PRELID2: variants seen among roughly 807,000 people sequenced by gnomAD.
PRELID2 encodes the protein PRELI domain-containing protein 2.
Under a neutral mutation model 28.4 loss-of-function variants are expected in PRELID2, and 25 were observed. The ratio of observed to expected loss-of-function variants is 0.88; its 90% CI spans 0.64 to 1.23. The LOEUF is 1.23. Among genes scored for constraint, PRELID2 ranks in the 50% most tolerant of loss-of-function variants. PRELID2 has a pLI of 0.00. For missense variants in PRELID2, 201 were observed against 214.4 expected, an observed-to-expected ratio of 0.94 and a Z score of 0.39; for synonymous variants, 76 against 71.6, an observed-to-expected ratio of 1.06 and a Z score of -0.31.
At chr5:145,265,652 A>T in the PRELID2 span, among the ~76,000 whole-genome samples, 1 of 152,204 alleles carries the variant, frequency 6.6e-6, no homozygotes. Context: ...CAGAGAACCC[A>T]GAAATAAAGC....
chr5:145,794,458 T>C (rs1752599928), intron 5 of PRELID2, among the ~76,000 whole-genome samples: 1 of 152,170 alleles, frequency 6.6e-6, no homozygotes, highest in Non-Finnish European at 1.5e-5. Context: ...TTCACTTCAT[T>C]CATCTGAGGG....
At chr5:145,778,398 T>C (rs1238686167) in intron 5 of PRELID2, among the ~76,000 whole-genome samples, 1 of 152,154 alleles carries the variant, frequency 6.6e-6, no homozygotes, top group African/African-American at 2.4e-5. Flanking sequence ...ACACCCTGGA[T>C]GTGGAAAGGG....
chr5:145,262,649 G>A, the PRELID2 span, among the ~76,000 whole-genome samples: 201 of 152,092 alleles, frequency 1.3e-3, 4 homozygotes, highest in East Asian at 0.031. Context: ...GAGGGAATTT[G>A]CCACCACCAA....
intron 1 of PRELID2, among the ~76,000 whole-genome samples, chr5:145,570,866 A>G (rs111252523): frequency 3.3e-4 from 50 of 152,302 alleles, no homozygotes; most frequent in African/African-American, 1.2e-3. Context: ...CATCTTATTG[A>G]GAATGAAATT....
At chr5:145,259,609 A>G in the PRELID2 span, among the ~76,000 whole-genome samples, 1 of 151,904 alleles carries the variant, frequency 6.6e-6, no homozygotes, top group Non-Finnish European at 1.5e-5. Flanking sequence ...TCTTTTGCCT[A>G]TTTTTTTCAC....
intron 3 of PRELID2, 157 bp downstream of exon 3, chr5:145,819,788 G>C: frequency 1.6e-6 from 1 of 635,032 alleles, no homozygotes. Flanking sequence ...CTAAAAGTGA[G>C]GTTGGATAAG....
the PRELID2 span, among the ~76,000 whole-genome samples, chr5:145,276,655 C>CT: frequency 2.6e-5 from 4 of 152,212 alleles, no homozygotes; most frequent in East Asian, 5.8e-4. Flanking sequence ...AATTATGTGA[C>CT]TCATCTAGTT....
chr5:145,614,384 C>A (rs1753665043), intron 1 of PRELID2, among the ~76,000 whole-genome samples: 1 of 152,196 alleles, frequency 6.6e-6, no homozygotes, highest in Admixed American at 6.5e-5. Flanking sequence ...ATGGGGATTG[C>A]ACTGAATTTG....
intron 1 of PRELID2, among the ~76,000 whole-genome samples, chr5:145,479,257 G>A (rs906377673): frequency 1.4e-4 from 21 of 152,134 alleles, no homozygotes; most frequent in Admixed American, 1.3e-3. Context: ...TCTCTTTGCT[G>A]AAAGAAAGCT....
the PRELID2 span, among the ~76,000 whole-genome samples, chr5:145,338,898 T>C: frequency 2.0e-5 from 3 of 152,246 alleles, no homozygotes; most frequent in Admixed American, 6.5e-5. Flanking sequence ...ATCAAGGTGA[T>C]GTAAATAATC....
At chr5:145,235,165 T>C in the PRELID2 span, among the ~76,000 whole-genome samples, 282 of 152,172 alleles carry the variant, frequency 1.9e-3, no homozygotes, top group African/African-American at 6.4e-3. Flanking sequence ...TAAATATGTA[T>C]ATAAAAGCAT....
chr5:145,721,592 T>C (rs1038115712), intron 1 of PRELID2, among the ~76,000 whole-genome samples: 5 of 152,102 alleles, frequency 3.3e-5, no homozygotes, highest in African/African-American at 1.2e-4. Context: ...TGACAGAGTA[T>C]AGATCAAACA....
chr5:145,456,468 G>A, the PRELID2 span, among the ~76,000 whole-genome samples: 1 of 152,110 alleles, frequency 6.6e-6, no homozygotes, highest in Non-Finnish European at 1.5e-5. Flanking sequence ...TAGCTTTCAA[G>A]TCTCCATCAT....
At chr5:145,252,512 C>A in the PRELID2 span, among the ~76,000 whole-genome samples, 1 of 152,002 alleles carries the variant, frequency 6.6e-6, no homozygotes, top group Non-Finnish European at 1.5e-5. Context: ...TTAGATAATG[C>A]CTTTGAAGTG....
At chr5:145,652,779 C>T (rs56808087) in intron 1 of PRELID2, among the ~76,000 whole-genome samples, 9 of 152,096 alleles carry the variant, frequency 5.9e-5, no homozygotes, top group Admixed American at 5.9e-4. Context: ...ACAACCAGTA[C>T]CAGCCACTGC....
chr5:145,348,469 C>A, the PRELID2 span, among the ~76,000 whole-genome samples: 1 of 152,014 alleles, frequency 6.6e-6, no homozygotes. Flanking sequence ...TCAATTTCTC[C>A]CACCCCCAGT....
downstream of PRELID2, among the ~76,000 whole-genome samples, chr5:145,468,866 G>A (rs1401472907): frequency 6.6e-6 from 1 of 152,128 alleles, no homozygotes; most frequent in Non-Finnish European, 1.5e-5. Flanking sequence ...TCTGTAGGTT[G>A]CCTGCTCACT....
At chr5:145,747,283 G>C (rs967972278) in intron 1 of PRELID2, among the ~76,000 whole-genome samples, 4 of 149,102 alleles carry the variant, frequency 2.7e-5, no homozygotes, top group African/African-American at 7.4e-5. Context: ...CAAAATAGCA[G>C]CTAGACTAAT....
chr5:145,295,014 A>G, the PRELID2 span, among the ~76,000 whole-genome samples: 11 of 152,168 alleles, frequency 7.2e-5, no homozygotes, highest in African/African-American at 2.7e-4. Flanking sequence ...ACTAGGGAAC[A>G]TAGATATTGA....
Sources: allele counts gnomAD v4.1 joint callset (sites outside exome capture counted in the v4.1 genomes callset), GRCh38; gene constraint gnomAD v4.1.1; transcripts MANE v1.5; gene names NCBI Gene and HGNC (gene_info 2026-07-23, HGNC 2026-07-21).